The following SLC25A13 variants were observed in gnomAD, a reference collection of about 807,000 sequenced individuals.
The protein encoded by SLC25A13 is electrogenic aspartate/glutamate antiporter SLC25A13, mitochondrial.
SLC25A13 carries 70 observed loss-of-function variants against 85.5 expected under a neutral mutation model. That is an observed-to-expected ratio of 0.82 (90% confidence interval 0.68 to 1.00). The LOEUF (loss-of-function observed/expected upper bound fraction) is 1.00, where lower values mean the gene tolerates loss of function less well. Among genes scored for constraint, SLC25A13 ranks in the 50% least tolerant of loss-of-function variants. The pLI, the probability that SLC25A13 is intolerant of heterozygous loss-of-function variation, is 0.00. For synonymous variants in SLC25A13, 259 were observed against 288.7 expected (o/e 0.90, Z 1.04); for missense variants, 765 against 819.8 (o/e 0.93, Z 0.82).
intron 13 of SLC25A13, among the ~76,000 whole-genome samples, chr7:96,161,138 GTTGT>G (rs1249039956): frequency 6.6e-6 from 1 of 152,064 alleles, no homozygotes; most frequent in Non-Finnish European, 1.5e-5. Context: ...AATGCTCCAA[GTTGT>G]TTATCTTCAT....
At chr7:96,250,762 T>A (rs143191428) in intron 3 of SLC25A13, among the ~76,000 whole-genome samples, 3,413 of 97,756 alleles carry the variant, frequency 0.035, 93 homozygotes, top group African/African-American at 0.1. Flanking sequence ...AGAGGCTCCA[T>A]AAAATATTAC....
intron 4 of SLC25A13, among the ~76,000 whole-genome samples, chr7:96,229,520 C>A (rs1796451769): frequency 6.6e-6 from 1 of 152,118 alleles, no homozygotes; most frequent in Non-Finnish European, 1.5e-5. Context: ...GCTGTGGAAG[C>A]TTTTGTTCTT....
chr7:96,236,584 T>G (rs999836561), intron 3 of SLC25A13, among the ~76,000 whole-genome samples: 2 of 152,238 alleles, frequency 1.3e-5, no homozygotes, highest in Non-Finnish European at 2.9e-5. Flanking sequence ...AGGGATTATC[T>G]ACTTCAACCT....
intron 3 of SLC25A13, among the ~76,000 whole-genome samples, chr7:96,257,890 G>C (rs1360824796): frequency 6.6e-6 from 1 of 152,134 alleles, no homozygotes; most frequent in Non-Finnish European, 1.5e-5. Flanking sequence ...CTTCATCCCT[G>C]GGATGCAAGG....
In SLC25A13 at chr7:96,120,399, G is replaced by A. The variant is rs574119069; in HGVS notation, c.*792C>T. The A allele has an allele frequency of 8.9e-4, 403 of 454,184 alleles. 5 individuals are homozygous for A. The Middle Eastern group carries it at 0.011, about 12-fold the overall frequency. 28.1% of individuals were successfully genotyped at this position (454,184 alleles called of 1,614,324 possible). A position where few individuals can be genotyped will look rare whatever the true frequency, so the allele number is the denominator to read the frequency against. On this transcript the variant is annotated 3_prime_UTR_variant, in exon 18 of 18. Transcript: ENST00000265631. ...GGAGATGAGGAGAATAGGGCAGGCA[G>A]CAACAGGGCAACATGCATTTTTCAA...
intron 13 of SLC25A13, among the ~76,000 whole-genome samples, chr7:96,154,801 CT>C (rs869305314): frequency 3.5e-3 from 177 of 50,180 alleles, no homozygotes; most frequent in Non-Finnish European, 3.9e-3. Context: ...GCATCTTTTT[CT>C]TTTTTTTTTT....
At chr7:96,271,501 C>T (rs1472055182) in intron 3 of SLC25A13, among the ~76,000 whole-genome samples, 2 of 152,064 alleles carry the variant, frequency 1.3e-5, no homozygotes, top group African/African-American at 4.8e-5. Flanking sequence ...AAGAAAATGT[C>T]AAAAGAGGAC....
chr7:96,266,070 T>G (rs1798034581), intron 3 of SLC25A13, among the ~76,000 whole-genome samples: 1 of 152,316 alleles, frequency 6.6e-6, no homozygotes, highest in South Asian at 2.1e-4. Flanking sequence ...TGGAGGGACA[T>G]CAATGTTCAG....
chr7:96,126,818 A>C (rs1332541722), intron 15 of SLC25A13, among the ~76,000 whole-genome samples: 2 of 152,234 alleles, frequency 1.3e-5, no homozygotes, highest in Non-Finnish European at 2.9e-5. Flanking sequence ...ATGGATGAAT[A>C]TGCTCAGTCT....
At chr7:96,314,123 G>T (rs1800046472) in intron 1 of SLC25A13, among the ~76,000 whole-genome samples, 1 of 152,006 alleles carries the variant, frequency 6.6e-6, no homozygotes, top group Non-Finnish European at 1.5e-5. Context: ...GAGGAAGAAG[G>T]AGGAAGGAAG....
chr7:96,128,938 T>TGCTTGCTCGCTCTC (rs1491341244), intron 15 of SLC25A13, among the ~76,000 whole-genome samples: 3 of 31,312 alleles, frequency 9.6e-5, no homozygotes, highest in African/African-American at 2.9e-4. Flanking sequence ...CTGCCTTGCT[T>TGCTTGCTCGCTCTC]GCTCTCTCTC....
intron 2 of SLC25A13, among the ~76,000 whole-genome samples, chr7:96,293,792 G>A (rs1020135735): frequency 6.6e-6 from 1 of 152,202 alleles, no homozygotes; most frequent in Non-Finnish European, 1.5e-5. Context: ...AGGAGCTGGA[G>A]AGGATGTGGA....
intron 4 of SLC25A13, among the ~76,000 whole-genome samples, chr7:96,231,731 AAAAAG>A (rs749938383): frequency 2.0e-5 from 3 of 152,088 alleles, no homozygotes; most frequent in South Asian, 2.1e-4. Flanking sequence ...CTCAAAAAAA[AAAAAG>A]AAAAGAAAAA....
At chr7:96,133,101 T>C (rs1409038197) in intron 14 of SLC25A13, among the ~76,000 whole-genome samples, 1 of 152,224 alleles carries the variant, frequency 6.6e-6, no homozygotes, top group Non-Finnish European at 1.5e-5. Context: ...TTAAGTTGCA[T>C]CCTAGTTTGG....
At chr7:96,238,852 T>C (rs1796845401) in intron 3 of SLC25A13, among the ~76,000 whole-genome samples, 1 of 151,950 alleles carries the variant, frequency 6.6e-6, no homozygotes, top group South Asian at 2.1e-4. Context: ...GTTCATTAAA[T>C]AGAATCACAC....
At chr7:96,318,274 G>A (rs367633027) in intron 1 of SLC25A13, among the ~76,000 whole-genome samples, 6 of 152,118 alleles carry the variant, frequency 3.9e-5, no homozygotes, top group East Asian at 1.9e-4. Flanking sequence ...TACATCATTC[G>A]TAACGCATAA....
chr7:96,209,623 T>G (rs1482655197), intron 4 of SLC25A13, among the ~76,000 whole-genome samples: 1 of 151,920 alleles, frequency 6.6e-6, no homozygotes, highest in Admixed American at 6.5e-5. Context: ...CCAAGAGTTC[T>G]CAAATTGTTC....
chr7:96,176,918 A>G (rs1040485760), intron 11 of SLC25A13, among the ~76,000 whole-genome samples: 3 of 152,182 alleles, frequency 2.0e-5, no homozygotes, highest in African/African-American at 7.2e-5. Context: ...AGGTCTGTGC[A>G]TCTTTCACAC....
chr7:96,277,349 A>C lies in SLC25A13; in HGVS notation c.70-11T>G. ...CTCAATGCTTGCATACTGTTTAAAA[A>C]AAAGAAAAACAGTATTTTATATATT... On this transcript the variant is annotated splice_polypyrimidine_tract_variant and intron_variant, in intron 2 of 17. Transcript: ENST00000265631. The C allele has an allele frequency of 6.2e-7, 1 of 1,607,392 alleles. No homozygotes were observed. The highest frequency in any genetic ancestry group is 8.5e-7 in the Non-Finnish European group (1 of 1,176,100).
Sources: allele counts gnomAD v4.1 joint callset (sites outside exome capture counted in the v4.1 genomes callset), GRCh38; gene constraint gnomAD v4.1.1; transcripts MANE v1.5; gene names NCBI Gene and HGNC (gene_info 2026-07-23, HGNC 2026-07-21).